The following STRADA variants were observed in gnomAD, a reference collection of about 807,000 sequenced individuals.
STRADA encodes STE20-related kinase adapter protein alpha.
In STRADA, 26 loss-of-function variants were observed where a neutral mutation model predicts 55.0. The observed-to-expected ratio is 0.47, with a 90% CI of 0.35 to 0.66. The LOEUF (loss-of-function observed/expected upper bound fraction) is 0.66, where lower values mean the gene tolerates loss of function less well. Ranked by LOEUF, STRADA falls within the 30% of genes least tolerant of loss-of-function variation. The pLI is 0.01. For missense variants in STRADA, 443 were observed against 549.7 expected, an observed-to-expected ratio of 0.81 and a Z score of 1.94; for synonymous variants, 197 against 210.9, an observed-to-expected ratio of 0.93 and a Z score of 0.57.
chr17:63,740,107 T>TATATATATATATATAC (rs1309095081), intron 1 of STRADA, among the ~76,000 whole-genome samples: 556 of 49,634 alleles, frequency 0.011, 83 homozygotes, highest in South Asian at 0.043. Flanking sequence ...TATATATATA[T>TATATATATATATATAC]ACATACATAC....
chr17:63,710,170 C>G (rs1159687189), intron 8 of STRADA, among the ~76,000 whole-genome samples: 2 of 151,724 alleles, frequency 1.3e-5, no homozygotes, highest in Non-Finnish European at 2.9e-5. Flanking sequence ...GTCCCAGCTA[C>G]TGGGACTACA....
intron 8 of STRADA, among the ~76,000 whole-genome samples, chr17:63,709,608 G>A (rs2036351929): frequency 6.6e-6 from 1 of 152,000 alleles, no homozygotes; most frequent in African/African-American, 2.4e-5. Flanking sequence ...CTTATGTTTT[G>A]TGCTTCTAAA....
chr17:63,704,119 T>G (rs1478016519), intron 11 of STRADA, 72 bp from the exon 12 acceptor site: 1 of 1,583,128 alleles, frequency 6.3e-7, no homozygotes, highest in Non-Finnish European at 8.6e-7. Flanking sequence ...CTGCCACTTA[T>G]GCCTCAGCCT....
Position 63,710,716 on chromosome 17 carries a change from T to C in STRADA, c.457+12A>G, listed in dbSNP as rs2036440601. On this transcript the variant is annotated intron_variant, in intron 7 of 12. Coordinates refer to ENST00000336174, the MANE Select transcript of STRADA (RefSeq NM_001003787.4). ...AATAACCCCTTTCTACCAAGAACCC[T>C]TTCCCACTCACCGTATGCCATGAAT... 1 of 1,614,110 alleles carries C rather than the reference T, an allele frequency of 6.2e-7. No homozygotes were observed. Among genetic ancestry groups the C allele is most frequent in the South Asian group, 1.1e-5 (1 of 91,076 alleles).
At chr17:63,718,137 G>T (rs1028198470) in intron 4 of STRADA, among the ~76,000 whole-genome samples, 3 of 152,018 alleles carry the variant, frequency 2.0e-5, no homozygotes, top group Non-Finnish European at 4.4e-5. Flanking sequence ...TGCTCAGGCT[G>T]GTCTCAAACT....
chr17:63,707,643 T>C, intron 8 of STRADA: 2 of 488,102 alleles, frequency 4.1e-6, no homozygotes, highest in Non-Finnish European at 7.3e-6. Context: ...CACTGCAACC[T>C]CTGCCTCCTG....
At chr17:63,712,165 A>C (rs944101670) in intron 6 of STRADA, among the ~76,000 whole-genome samples, 1 of 152,164 alleles carries the variant, frequency 6.6e-6, no homozygotes, top group Non-Finnish European at 1.5e-5. Context: ...CTAAGCTGGC[A>C]TCAGGAAAGG....
At chr17:63,726,742 A>G (rs1445672563) in intron 2 of STRADA, 47 bp from the exon 3 acceptor site, 1 of 1,594,500 alleles carries the variant, frequency 6.3e-7, no homozygotes, top group East Asian at 2.2e-5. Flanking sequence ...TCCAAGCCGC[A>G]ACAAATTAGC....
chr17:63,735,375 A>C (rs1201772138), intron 1 of STRADA, among the ~76,000 whole-genome samples: 1 of 152,192 alleles, frequency 6.6e-6, no homozygotes, highest in African/African-American at 2.4e-5. Flanking sequence ...CTTGATCAGC[A>C]TACTTTGGCT....
Position 63,704,361 on chromosome 17 carries a change from A to G in STRADA, c.1080T>C (p.Leu360=), listed in dbSNP as rs987212543. The G allele has an allele frequency of 6.2e-7, 1 of 1,612,912 alleles. No individual in the cohort carries two copies. Among genetic ancestry groups the G allele is most frequent in the African/African-American group, 1.3e-5 (1 of 75,006 alleles). The change falls in exon 11 of 13, where the codon CTT becomes CTC. Residue 360 remains leucine (L), a synonymous_variant. Transcript: ENST00000336174. ...GATACCTGGCATCCGGGTTGCGCTG[A>G]AGGCACTGCTCCACAAAGTGGTGGA... The part of the protein sequence containing the change: ...PHFHHFVEQC[L]QRNPDARPSA...
intron 1 of STRADA, 143 bp from the exon 2 acceptor site, chr17:63,728,556 T>C (rs1006825529): frequency 2.3e-5 from 12 of 528,410 alleles, no homozygotes; most frequent in South Asian, 1.1e-4. Context: ...TAGAGAAACT[T>C]TAAGTGATGA....
At chr17:63,726,816 G>C in intron 2 of STRADA, 121 bp from the exon 3 acceptor site, 1 of 934,070 alleles carries the variant, frequency 1.1e-6, no homozygotes. Flanking sequence ...AGTACAGTTA[G>C]GAATCATTTC....
At chr17:63,726,423 C>CT in intron 3 of STRADA, 1 of 470,124 alleles carries the variant, frequency 2.1e-6, no homozygotes, top group East Asian at 3.3e-5. Flanking sequence ...TAAGTAAATA[C>CT]TGGCTTTCTA....
chr17:63,719,387 T>G (rs1450117904), intron 4 of STRADA, among the ~76,000 whole-genome samples: 1 of 152,208 alleles, frequency 6.6e-6, no homozygotes, highest in Non-Finnish European at 1.5e-5. Flanking sequence ...TTCTCTCACT[T>G]GAAAAAGAGA....
At chr17:63,739,256 G>C (rs534954168) in intron 1 of STRADA, among the ~76,000 whole-genome samples, 1 of 152,002 alleles carries the variant, frequency 6.6e-6, no homozygotes, top group Admixed American at 6.6e-5. Context: ...ACTGCACACA[G>C]GTATTTTCTT....
At chr17:63,736,048 T>C (rs964294847) in intron 1 of STRADA, among the ~76,000 whole-genome samples, 3 of 152,026 alleles carry the variant, frequency 2.0e-5, no homozygotes, top group Non-Finnish European at 1.5e-5. Context: ...TTCAAGGGAT[T>C]CTCCTGCCTC....
chr17:63,703,527 G>T lies in STRADA; in HGVS notation c.*72C>A. 1 of 1,429,806 alleles carries T rather than the reference G, an allele frequency of 7.0e-7. No individual in the cohort carries two copies. The highest frequency in any genetic ancestry group is 9.5e-7 in the Non-Finnish European group (1 of 1,048,080). The allele number at this position is 1,429,806 out of a possible 1,614,324, so 88.6% of individuals were successfully genotyped here. A position where few individuals can be genotyped will look rare whatever the true frequency, so the allele number is the denominator to read the frequency against. On this transcript the variant is annotated 3_prime_UTR_variant, in exon 13 of 13. Coordinates refer to ENST00000336174, the MANE Select transcript of STRADA (RefSeq NM_001003787.4). ...ATCTGCCCAGGAGGGCGGGAATGTG[G>T]CCGGCCCTCAGGAAGGGCCTCTGGG...
chr17:63,739,666 A>G (rs1265519480), intron 1 of STRADA, among the ~76,000 whole-genome samples: 1 of 149,712 alleles, frequency 6.7e-6, no homozygotes, highest in Non-Finnish European at 1.5e-5. Flanking sequence ...TTATGCATAT[A>G]TGTATATATT....
rs2038778784 is a variant in STRADA, at chr17:63,740,085, A to ACT, written c.-45+1654_-45+1655dup. 7.8e-5 allele frequency among the ~76,000 whole-genome samples: 3 copies of ACT among 38,450 alleles called. No homozygotes were observed. The South Asian group carries it at 4.1e-3, about 52-fold the overall frequency. The allele number at this position is 38,450 out of a possible 152,430, so 25.2% of individuals were successfully genotyped here. A position where few individuals can be genotyped will look rare whatever the true frequency, so the allele number is the denominator to read the frequency against. On this transcript the variant is annotated intron_variant, in intron 1 of 12. Coordinates refer to ENST00000336174, the MANE Select transcript of STRADA (RefSeq NM_001003787.4). Reference sequence around the variant, plus strand: ...ACCCAGCCTATCAGAAACATTTAACACTATATATATATATATATATATACA... The same window carrying ACT: ...ACCCAGCCTATCAGAAACATTTAACACTCTATATATATATATATATATATACA...
Sources: gnomAD v4.1 joint callset for allele counts (sites outside exome capture counted in the v4.1 genomes callset) on GRCh38, gnomAD v4.1.1 for gene constraint, MANE v1.5 for transcripts, NCBI Gene and HGNC (gene_info 2026-07-23, HGNC 2026-07-21) for gene names.